Variants in SPAG16 observed in about 807,000 individuals in gnomAD.
SPAG16 encodes the protein sperm associated antigen 16.
In SPAG16, 86 loss-of-function variants were observed where a neutral mutation model predicts 80.4. The ratio of observed to expected loss-of-function variants is 1.07; its 90% CI spans 0.90 to 1.28. SPAG16 has a LOEUF of 1.28. Ranked by LOEUF, SPAG16 falls within the 50% of genes most tolerant of loss-of-function variation. SPAG16 has a pLI of 0.00. For missense variants in SPAG16, 870 were observed against 765.3 expected, an observed-to-expected ratio of 1.14 and a Z score of -1.61; for synonymous variants, 294 against 265.9, an observed-to-expected ratio of 1.11 and a Z score of -1.03.
chr2:213,894,755 C>A (rs1476775151), intron 11 of SPAG16, among the ~76,000 whole-genome samples: 1 of 152,004 alleles, frequency 6.6e-6, no homozygotes, highest in African/African-American at 2.4e-5. Flanking sequence ...TTTTGGGAGG[C>A]TGAGGCAGGA....
chr2:214,138,669 T>C (rs1023312861), intron 14 of SPAG16, among the ~76,000 whole-genome samples: 1 of 152,148 alleles, frequency 6.6e-6, no homozygotes, highest in African/African-American at 2.4e-5. Flanking sequence ...CTTACTCTTA[T>C]TAGTTTCTTT....
rs1409040529 is a variant in SPAG16 at position 214,340,585 on chromosome 2, G to C, written c.1721-69555G>C. 2.0e-5 allele frequency among the ~76,000 whole-genome samples: 3 copies of C among 152,190 alleles called. No individual in the cohort carries two copies. The East Asian group carries it at 5.8e-4, about 29-fold the overall frequency. ...TGGGCCGTGGGTGAACTGCGCACCT[G>C]CTGCTGCTCCAGCAGGCCTGATGTA... On this transcript the variant is annotated intron_variant, in intron 15 of 15. Transcript: ENST00000331683.
rs140708272 is a variant in SPAG16 at position 213,574,280 on chromosome 2, G to C, written c.1070+84190G>C. Among the ~76,000 whole-genome samples the C allele has an allele frequency of 5.5e-3, 840 of 152,140 alleles. 10 individuals carry two copies. The highest frequency in any genetic ancestry group is 0.019 in the African/African-American group (789 of 41,498). On this transcript the variant is annotated intron_variant, in intron 10 of 15. Coordinates refer to ENST00000331683, the MANE Select transcript of SPAG16 (RefSeq NM_024532.5). ...TTTTGCCCCATTACTTTCCATGACTGTTTTCTTGATGTTCTATGTGAACTT... is the reference window on the plus strand; with the variant it reads ...TTTTGCCCCATTACTTTCCATGACTCTTTTCTTGATGTTCTATGTGAACTT...
In SPAG16 at chr2:213,747,768, C is replaced by T. The variant is rs76425953; in HGVS notation, c.1071-114717C>T. On this transcript the variant is annotated intron_variant, in intron 10 of 15. Transcript: ENST00000331683. ...AGGATACCATCTCAGAATACATCAC[C>T]GTCTTGATACCATCTCAGAATACAT... Among the ~76,000 whole-genome samples, 1,230 of 152,212 alleles carry T rather than the reference C, an allele frequency of 8.1e-3. 11 individuals are homozygous for T. The highest frequency in any genetic ancestry group is 0.02 in the Middle Eastern group (6 of 294).
chr2:214,154,592 T>C (rs16851545), intron 15 of SPAG16, among the ~76,000 whole-genome samples: 1,942 of 150,356 alleles, frequency 0.013, 39 homozygotes, highest in African/African-American at 0.045. Flanking sequence ...AAATCTACAG[T>C]TCATCATTTT....
chr2:213,384,311 A>T (rs2067317589), intron 9 of SPAG16, among the ~76,000 whole-genome samples: 1 of 152,172 alleles, frequency 6.6e-6, no homozygotes, highest in African/African-American at 2.4e-5. Flanking sequence ...GTCAAGAATT[A>T]ATGTGGAAGT....
chr2:214,125,954 C>T (rs767650999), intron 14 of SPAG16, among the ~76,000 whole-genome samples: 11 of 148,236 alleles, frequency 7.4e-5, no homozygotes, highest in South Asian at 2.1e-4. Context: ...GGTAATAGAC[C>T]GAGGGAAGAA....
At chr2:213,825,740 G>T (rs191396797) in intron 10 of SPAG16, among the ~76,000 whole-genome samples, 217 of 118,946 alleles carry the variant, frequency 1.8e-3, no homozygotes, top group African/African-American at 6.1e-3. Flanking sequence ...TCTTTGTTTC[G>T]TTTAGGTATC....
At chr2:213,903,937 G>A (rs993754736) in intron 11 of SPAG16, among the ~76,000 whole-genome samples, 1 of 152,058 alleles carries the variant, frequency 6.6e-6, no homozygotes, top group African/African-American at 2.4e-5. Context: ...AAACATAATA[G>A]CCTCTTTGCT....
chr2:213,737,291 C>CT (rs1413289906), intron 10 of SPAG16, among the ~76,000 whole-genome samples: 1 of 152,136 alleles, frequency 6.6e-6, no homozygotes, highest in African/African-American at 2.4e-5. Context: ...TTCCAATTTT[C>CT]TTTGTGCATA....
chr2:213,343,702 A>T (rs2064814346), intron 6 of SPAG16, among the ~76,000 whole-genome samples: 1 of 152,148 alleles, frequency 6.6e-6, no homozygotes, highest in South Asian at 2.1e-4. Flanking sequence ...TGCAAATGAA[A>T]AATTTACTAA....
intron 10 of SPAG16, among the ~76,000 whole-genome samples, chr2:213,558,798 G>T (rs901910641): frequency 2.6e-5 from 4 of 152,022 alleles, no homozygotes; most frequent in Admixed American, 1.3e-4. Context: ...ATGGTACAAT[G>T]AGCCTCCATG....
chr2:213,705,772 A>C (rs1389566169), intron 10 of SPAG16, among the ~76,000 whole-genome samples: 1 of 120,106 alleles, frequency 8.3e-6, no homozygotes, highest in East Asian at 2.5e-4. Flanking sequence ...AGGAGAGCCA[A>C]TCATGGTGGA....
chr2:214,214,173 C>T (rs983992656), intron 15 of SPAG16, among the ~76,000 whole-genome samples: 1 of 138,308 alleles, frequency 7.2e-6, no homozygotes. Flanking sequence ...TCCTTCCCAA[C>T]CTTCCTTTTT....
chr2:213,618,862 C>A (rs2061683061), intron 10 of SPAG16, among the ~76,000 whole-genome samples: 1 of 151,998 alleles, frequency 6.6e-6, no homozygotes, highest in Admixed American at 6.6e-5. Flanking sequence ...TTTCCAGATT[C>A]CCTGCTTTTC....
chr2:213,819,764 GT>G (rs142834312), intron 10 of SPAG16, among the ~76,000 whole-genome samples: 32 of 145,804 alleles, frequency 2.2e-4, no homozygotes, highest in Admixed American at 4.1e-4. Flanking sequence ...TGGTTGGTTG[GT>G]TTTTTTTTTG....
At chr2:213,724,372 A>G (rs1384339829) in intron 10 of SPAG16, among the ~76,000 whole-genome samples, 4 of 152,208 alleles carry the variant, frequency 2.6e-5, no homozygotes, top group African/African-American at 9.7e-5. Context: ...AGGATAGAAG[A>G]AAGATAAGAC....
At chr2:214,042,694 C>T (rs1559726925) in intron 13 of SPAG16, among the ~76,000 whole-genome samples, 7 of 152,142 alleles carry the variant, frequency 4.6e-5, no homozygotes, top group Non-Finnish European at 1.5e-5. Flanking sequence ...TTCCTTATTT[C>T]TGTGCTTCTC....
At chr2:214,221,946 A>C (rs2058582164) in intron 15 of SPAG16, among the ~76,000 whole-genome samples, 1 of 152,124 alleles carries the variant, frequency 6.6e-6, no homozygotes, top group Non-Finnish European at 1.5e-5. Flanking sequence ...ATTGAAAAAA[A>C]ACATTAAAAA....
Sources: gnomAD v4.1 joint callset for allele counts (sites outside exome capture counted in the v4.1 genomes callset) on GRCh38, gnomAD v4.1.1 for gene constraint, MANE v1.5 for transcripts, NCBI Gene and HGNC (gene_info 2026-07-23, HGNC 2026-07-21) for gene names.